CSMD1: variants seen among roughly 807,000 people sequenced by gnomAD.
CSMD1 encodes the protein CUB and sushi domain-containing protein 1.
In CSMD1, 213 loss-of-function variants were observed where a neutral mutation model predicts 417.5. That is an observed-to-expected ratio of 0.51 (90% CI 0.46 to 0.57). The LOEUF is 0.57. Ranked by LOEUF, CSMD1 falls within the 20% of genes least tolerant of loss-of-function variation. CSMD1 has a pLI of 0.00. For missense variants in CSMD1, 6,923 were observed against 4,529.7 expected (o/e 1.53, Z -15.17); for synonymous variants, 2,862 against 1,736.8 (o/e 1.65, Z -16.11).
intron 10 of CSMD1, among the ~76,000 whole-genome samples, chr8:3,499,278 G>C (rs1377094888): frequency 1.3e-5 from 2 of 152,206 alleles, no homozygotes; most frequent in East Asian, 1.9e-4. Context: ...CATGTTTGTA[G>C]CTGTCTGAGT....
intron 7 of CSMD1, among the ~76,000 whole-genome samples, chr8:3,675,255 T>C (rs1195512592): frequency 1.3e-5 from 2 of 152,160 alleles, no homozygotes; most frequent in African/African-American, 2.4e-5. Flanking sequence ...TTGACCTGGC[T>C]GGCATGTGCG....
chr8:3,388,077 T>C (rs1585090451), intron 17 of CSMD1, among the ~76,000 whole-genome samples: 2 of 152,344 alleles, frequency 1.3e-5, no homozygotes, highest in East Asian at 3.9e-4. Context: ...TATGTACTTC[T>C]ATATTTATAT....
intron 5 of CSMD1, among the ~76,000 whole-genome samples, chr8:3,872,839 C>CAAAAAA (rs59622954): frequency 7.6e-6 from 1 of 131,362 alleles, no homozygotes; most frequent in Admixed American, 7.7e-5. Context: ...AAGACAGCTC[C>CAAAAAA]AAAAAAAAAA....
intron 1 of CSMD1, among the ~76,000 whole-genome samples, chr8:4,737,531 C>G (rs1278865954): frequency 6.6e-6 from 1 of 152,110 alleles, no homozygotes; most frequent in Non-Finnish European, 1.5e-5. Flanking sequence ...TTACCAGACA[C>G]ATGATTGATG....
intron 3 of CSMD1, among the ~76,000 whole-genome samples, chr8:4,394,344 C>T (rs1323054219): frequency 6.6e-6 from 1 of 152,152 alleles, no homozygotes; most frequent in Admixed American, 6.5e-5. Flanking sequence ...TAGTTATTCT[C>T]TTGGGTTCTA....
intron 10 of CSMD1, among the ~76,000 whole-genome samples, chr8:3,498,119 T>C (rs1796443304): frequency 1.3e-5 from 2 of 152,254 alleles, no homozygotes; most frequent in Admixed American, 1.3e-4. Context: ...ATTTTCATTA[T>C]ATCACCCTGT....
At chr8:3,582,058 G>C (rs1014263699) in intron 9 of CSMD1, among the ~76,000 whole-genome samples, 1 of 152,154 alleles carries the variant, frequency 6.6e-6, no homozygotes, top group African/African-American at 2.4e-5. Context: ...GCCTCCCAAA[G>C]GGCTGGGATT....
At chr8:4,037,147 G>A (rs1019841106) in intron 3 of CSMD1, among the ~76,000 whole-genome samples, 8 of 152,218 alleles carry the variant, frequency 5.3e-5, no homozygotes, top group African/African-American at 1.7e-4. Flanking sequence ...AGTGAATGTA[G>A]AGCTCACATG....
chr8:3,474,024 C>T (rs1817264269), intron 11 of CSMD1, among the ~76,000 whole-genome samples: 2 of 151,766 alleles, frequency 1.3e-5, no homozygotes, highest in Non-Finnish European at 1.5e-5. Flanking sequence ...GGGGAAACTG[C>T]CCCCATGATC....
chr8:4,989,010 T>C (rs1811324960), intron 1 of CSMD1, among the ~76,000 whole-genome samples: 1 of 152,220 alleles, frequency 6.6e-6, no homozygotes, highest in African/African-American at 2.4e-5. Flanking sequence ...TAATCAAAGG[T>C]CACTTAAGGT....
Position 4,118,806 on chromosome 8 carries a change from A to C in CSMD1, c.416-86707T>G, listed in dbSNP as rs189941799. ...ACACATGCACATGTATGTTTATTAC[A>C]GCACTATTCACAATAGCAAAGACTT... is the stretch of plus-strand genomic sequence containing the variant. On this transcript the variant is annotated intron_variant, in intron 3 of 69. Coordinates refer to ENST00000635120, the MANE Select transcript of CSMD1 (RefSeq NM_033225.6). 2.4e-4 allele frequency among the ~76,000 whole-genome samples: 36 copies of C among 152,366 alleles called. No homozygotes were observed. The East Asian group carries it at 6.5e-3, about 28-fold the overall frequency.
At chr8:3,628,245 G>A (rs1332333853) in intron 7 of CSMD1, among the ~76,000 whole-genome samples, 1 of 152,078 alleles carries the variant, frequency 6.6e-6, no homozygotes. Context: ...TCTACAATGA[G>A]AATAGTTCTT....
intron 5 of CSMD1, among the ~76,000 whole-genome samples, chr8:3,884,597 G>C (rs944010931): frequency 6.6e-6 from 1 of 152,160 alleles, no homozygotes; most frequent in African/African-American, 2.4e-5. Context: ...ACATCGGTGA[G>C]AAGTCATTTG....
At chr8:3,370,567 G>A (rs373132573) in intron 18 of CSMD1, among the ~76,000 whole-genome samples, 15 of 152,356 alleles carry the variant, frequency 9.8e-5, no homozygotes, top group African/African-American at 3.6e-4. Context: ...GGTCATGTCT[G>A]TGAGGGTGCT....
At chr8:3,400,866 T>C (rs1488498744) in intron 15 of CSMD1, among the ~76,000 whole-genome samples, 1 of 151,392 alleles carries the variant, frequency 6.6e-6, no homozygotes, top group Admixed American at 6.6e-5. Context: ...CTATGCATTA[T>C]TCTGTAGTTT....
At chr8:4,874,522 T>C (rs1802926748) in intron 1 of CSMD1, among the ~76,000 whole-genome samples, 1 of 151,640 alleles carries the variant, frequency 6.6e-6, no homozygotes, top group Non-Finnish European at 1.5e-5. Flanking sequence ...CCTGAGCAGC[T>C]GGGATTACGG....
chr8:4,593,447 G>C (rs1800090784), intron 2 of CSMD1, among the ~76,000 whole-genome samples: 2 of 152,188 alleles, frequency 1.3e-5, no homozygotes, highest in African/African-American at 4.8e-5. Context: ...CTTAAGCACA[G>C]GAGAATGGCC....
chr8:3,781,423 A>C (rs888558290), intron 5 of CSMD1, among the ~76,000 whole-genome samples: 3 of 152,186 alleles, frequency 2.0e-5, no homozygotes, highest in African/African-American at 7.2e-5. Flanking sequence ...GACTGGGAGC[A>C]GCACAGTCTG....
At chr8:3,948,333 TGGG>T (rs1811373757) in intron 5 of CSMD1, among the ~76,000 whole-genome samples, 1 of 152,120 alleles carries the variant, frequency 6.6e-6, no homozygotes, top group African/African-American at 2.4e-5. Context: ...GCTTAGAATT[TGGG>T]ACAGAGGCTT....
Sources: allele counts gnomAD v4.1 joint callset (sites outside exome capture counted in the v4.1 genomes callset), GRCh38; gene constraint gnomAD v4.1.1; transcripts MANE v1.5; gene names NCBI Gene and HGNC (gene_info 2026-07-23, HGNC 2026-07-21).